Variants in DCC observed in about 807,000 individuals in gnomAD.
DCC encodes the protein DCC netrin 1 receptor.
DCC carries 58 observed loss-of-function variants against 172.5 expected under a neutral mutation model. That is an observed-to-expected ratio of 0.34 (90% CI 0.27 to 0.42). DCC has a LOEUF of 0.42. Ranked by LOEUF, DCC falls within the 10% of genes least tolerant of loss-of-function variation. The pLI is 1.00. For missense variants in DCC, 1,740 were observed against 1,791.0 expected (o/e 0.97, Z 0.51); for synonymous variants, 709 against 644.5 (o/e 1.10, Z -1.52).
chr18:53,418,214 G>C (rs544283172), intron 21 of DCC, among the ~76,000 whole-genome samples: 1 of 152,234 alleles, frequency 6.6e-6, no homozygotes, highest in South Asian at 2.1e-4. Flanking sequence ...AAAATTGAGA[G>C]GGACTGATGA....
chr18:52,472,292 C>G (rs955253805), intron 1 of DCC, among the ~76,000 whole-genome samples: 6 of 152,266 alleles, frequency 3.9e-5, no homozygotes, highest in Admixed American at 3.9e-4. Context: ...TCCCCACCAA[C>G]CCAGCTTCCT....
intron 5 of DCC, among the ~76,000 whole-genome samples, chr18:52,992,406 G>A (rs2041408000): frequency 6.6e-6 from 1 of 152,190 alleles, no homozygotes; most frequent in Admixed American, 6.5e-5. Context: ...AGTTTCTGTA[G>A]AAACCGTTTT....
At chr18:53,514,537 T>C (rs1450371968) in intron 27 of DCC, among the ~76,000 whole-genome samples, 1 of 151,852 alleles carries the variant, frequency 6.6e-6, no homozygotes, top group African/African-American at 2.4e-5. Flanking sequence ...ATCAACAAAA[T>C]TGATAGACCA....
chr18:53,303,763 G>A (rs116272141), intron 12 of DCC, among the ~76,000 whole-genome samples: 200 of 152,298 alleles, frequency 1.3e-3, no homozygotes, highest in African/African-American at 4.6e-3. Flanking sequence ...GTGTGCTACA[G>A]TGCTCTTTCA....
At chr18:52,783,828 G>T (rs925585384) in intron 2 of DCC, among the ~76,000 whole-genome samples, 1 of 151,920 alleles carries the variant, frequency 6.6e-6, no homozygotes, top group African/African-American at 2.4e-5. Context: ...CATAATGATT[G>T]TGCATATTTA....
At chr18:52,669,826 G>C (rs1317284888) in intron 1 of DCC, among the ~76,000 whole-genome samples, 1 of 152,000 alleles carries the variant, frequency 6.6e-6, no homozygotes. Context: ...AGATATTGTA[G>C]GTAAGGAGAA....
At chr18:53,130,864 C>T (rs1226218742) in intron 7 of DCC, among the ~76,000 whole-genome samples, 1 of 151,704 alleles carries the variant, frequency 6.6e-6, no homozygotes, top group African/African-American at 2.4e-5. Context: ...GTTTTTTTCT[C>T]GATTTCTGTG....
chr18:52,704,951 C>T (rs1281839021), intron 1 of DCC, among the ~76,000 whole-genome samples: 1 of 152,122 alleles, frequency 6.6e-6, no homozygotes, highest in Non-Finnish European at 1.5e-5. Flanking sequence ...CTAATCATGC[C>T]TCTGGTACCC....
At chr18:52,655,986 G>GTA (rs61544050) in intron 1 of DCC, among the ~76,000 whole-genome samples, 2,926 of 136,160 alleles carry the variant, frequency 0.021, 96 homozygotes, top group African/African-American at 0.066. Flanking sequence ...GTGTGTGTGT[G>GTA]TATATATATA....
At chr18:52,402,258 C>T (rs28368795) in intron 1 of DCC, among the ~76,000 whole-genome samples, 2 of 151,752 alleles carry the variant, frequency 1.3e-5, no homozygotes, top group African/African-American at 2.4e-5. Flanking sequence ...ACTCTCTGAT[C>T]GATTTAAATG....
chr18:52,443,797 A>G (rs1301200352), intron 1 of DCC, among the ~76,000 whole-genome samples: 1 of 152,208 alleles, frequency 6.6e-6, no homozygotes, highest in African/African-American at 2.4e-5. Context: ...ATATTTAAAG[A>G]TTGTAAATGG....
intron 1 of DCC, among the ~76,000 whole-genome samples, chr18:52,403,390 C>T (rs1986513940): frequency 6.6e-6 from 1 of 151,988 alleles, no homozygotes; most frequent in South Asian, 2.1e-4. Flanking sequence ...TTCACTGCCC[C>T]TGTCATTCAG....
chr18:53,181,042 C>T (rs1001042260), intron 9 of DCC, among the ~76,000 whole-genome samples: 4 of 152,094 alleles, frequency 2.6e-5, no homozygotes, highest in Non-Finnish European at 4.4e-5. Context: ...ATAATACACA[C>T]ACACTATATA....
Position 52,521,111 on chromosome 18 carries a change from G to C in DCC, c.91+180233G>C, listed in dbSNP as rs562101520. On this transcript the variant is annotated intron_variant, in intron 1 of 28. Transcript: ENST00000442544. Reference sequence around the variant, plus strand: ...AGGAAACATTCGTATTCTTTTTCTCGCTTTGCATGTGTACATTCAGACTAT... The same window carrying C: ...AGGAAACATTCGTATTCTTTTTCTCCCTTTGCATGTGTACATTCAGACTAT... Among the ~76,000 whole-genome samples the C allele has an allele frequency of 2.0e-5, 3 of 151,878 alleles. No individual in the cohort carries two copies. In the East Asian group the frequency reaches 5.8e-4, roughly 29 times the overall value.
chr18:53,033,429 C>T (rs1027922902), intron 5 of DCC, among the ~76,000 whole-genome samples: 28 of 152,130 alleles, frequency 1.8e-4, no homozygotes, highest in African/African-American at 6.3e-4. Context: ...TCCTTCACTG[C>T]GTCTTGCATA....
intron 2 of DCC, among the ~76,000 whole-genome samples, chr18:52,782,141 C>T (rs1338781409): frequency 3.9e-5 from 6 of 152,128 alleles, no homozygotes; most frequent in Non-Finnish European, 8.8e-5. Flanking sequence ...CACAAAGGTG[C>T]TTCCTAAACA....
chr18:52,479,721 A>G, intron 1 of DCC, among the ~76,000 whole-genome samples: 1 of 152,088 alleles, frequency 6.6e-6, no homozygotes, highest in East Asian at 1.9e-4. Context: ...ATTTTCTGTT[A>G]AGTTTGATCT....
At position 52,340,740 on chromosome 18, in the gene DCC, G is replaced by A; in HGVS notation, c.-48G>A. ...TGCGTGTGTGAGTGCATGTGTGTGA[G>A]TGCTGCCGCTGCCCGCGACCCCTGG... is the stretch of plus-strand genomic sequence containing the variant. On this transcript the variant is annotated 5_prime_UTR_variant, in exon 1 of 29. The change creates a new upstream start codon in the 5' untranslated region. Coordinates refer to ENST00000442544, the MANE Select transcript of DCC (RefSeq NM_005215.4). 1.4e-6 allele frequency: 2 copies of A among 1,411,064 alleles called. No individual in the cohort carries two copies. Among genetic ancestry groups the A allele is most frequent in the Non-Finnish European group, 2.0e-6 (2 of 995,716 alleles). 87.4% of individuals were successfully genotyped at this position (1,411,064 alleles called of 1,614,324 possible).
At chr18:53,197,005 T>C (rs559891708) in intron 9 of DCC, among the ~76,000 whole-genome samples, 14 of 152,022 alleles carry the variant, frequency 9.2e-5, no homozygotes, top group African/African-American at 3.4e-4. Context: ...GCATTCCCCA[T>C]ACAGAATAGA....
Sources: allele counts gnomAD v4.1 joint callset (sites outside exome capture counted in the v4.1 genomes callset), GRCh38; gene constraint gnomAD v4.1.1; transcripts MANE v1.5; gene names NCBI Gene and HGNC (gene_info 2026-07-23, HGNC 2026-07-21).